Variants in OSBPL10 observed in about 807,000 individuals in gnomAD.
The protein encoded by OSBPL10 is oxysterol binding protein like 10, also known as oxysterol-binding protein-related protein 10.
OSBPL10 carries 49 observed loss-of-function variants against 81.7 expected under a neutral mutation model. That is an observed-to-expected ratio of 0.60 (90% CI 0.48 to 0.76). OSBPL10 has a LOEUF of 0.76. Among genes scored for constraint, OSBPL10 ranks in the 30% least tolerant of loss-of-function variants. The pLI, the probability that OSBPL10 is intolerant of heterozygous loss-of-function variation, is 0.00. For missense variants in OSBPL10, 923 were observed against 987.8 expected (o/e 0.93, Z 0.88); for synonymous variants, 419 against 383.6 (o/e 1.09, Z -1.08).
chr3:31,675,822 T>C (rs1180967340), intron 8 of OSBPL10, among the ~76,000 whole-genome samples: 1 of 151,802 alleles, frequency 6.6e-6, no homozygotes, highest in African/African-American at 2.4e-5. Context: ...GGCGGGCACC[T>C]GTAGTCCCAG....
At chr3:31,997,584 G>A (rs1699102462) in intron 2 of OSBPL10, among the ~76,000 whole-genome samples, 1 of 151,730 alleles carries the variant, frequency 6.6e-6, no homozygotes, top group Non-Finnish European at 1.5e-5. Context: ...AAGAGATAAA[G>A]GAGAGTTAGT....
At chr3:31,894,645 C>T (rs1696001694) in intron 1 of OSBPL10, among the ~76,000 whole-genome samples, 1 of 152,182 alleles carries the variant, frequency 6.6e-6, no homozygotes, top group South Asian at 2.1e-4. Context: ...AGCTATTTTC[C>T]AACATCCTCA....
intron 8 of OSBPL10, among the ~76,000 whole-genome samples, chr3:31,672,379 GGAGGGA>G (rs144503051): frequency 0.051 from 6,032 of 118,580 alleles, 410 homozygotes; most frequent in African/African-American, 0.094. Flanking sequence ...GGGGCAGGAG[GGAGGGA>G]GAGGGAGAGG....
chr3:31,871,520 C>G (rs141200560), intron 3 of OSBPL10, among the ~76,000 whole-genome samples: 13 of 152,346 alleles, frequency 8.5e-5, no homozygotes, highest in Non-Finnish European at 1.9e-4. Flanking sequence ...CAATTCCGGA[C>G]ACACTGTAAC....
chr3:32,015,788 A>T (rs891751281), intron 2 of OSBPL10, among the ~76,000 whole-genome samples: 5 of 152,354 alleles, frequency 3.3e-5, no homozygotes, highest in African/African-American at 1.2e-4. Flanking sequence ...TGGGCGAAGG[A>T]TATGAACAGA....
chr3:31,831,170 G>T (rs1700229907), intron 3 of OSBPL10, among the ~76,000 whole-genome samples: 1 of 152,154 alleles, frequency 6.6e-6, no homozygotes, highest in South Asian at 2.1e-4. Flanking sequence ...ACTTTGGGAG[G>T]CCAAGGCGGG....
intron 4 of OSBPL10, among the ~76,000 whole-genome samples, chr3:31,782,853 C>T (rs567785371): frequency 6.6e-6 from 1 of 151,944 alleles, no homozygotes; most frequent in East Asian, 1.9e-4. Flanking sequence ...CGTCAACTAG[C>T]GTAACCATTA....
intron 4 of OSBPL10, among the ~76,000 whole-genome samples, chr3:31,814,150 G>A (rs191750353): frequency 3.9e-5 from 6 of 152,292 alleles, no homozygotes; most frequent in East Asian, 1.9e-4. Context: ...CAAGACTACC[G>A]CTACTTTCTT....
intron 1 of OSBPL10, among the ~76,000 whole-genome samples, chr3:31,978,377 G>A (rs1421564672): frequency 6.6e-6 from 1 of 152,174 alleles, no homozygotes; most frequent in Non-Finnish European, 1.5e-5. Context: ...AACAGTTCCT[G>A]CCACATAGTA....
chr3:31,821,887 A>G (rs924448187), intron 4 of OSBPL10, among the ~76,000 whole-genome samples: 3 of 152,216 alleles, frequency 2.0e-5, no homozygotes, highest in African/African-American at 7.2e-5. Context: ...TACTGCTTCC[A>G]TAACAAAGGC....
At chr3:31,720,667 G>A (rs1348698143) in intron 6 of OSBPL10, among the ~76,000 whole-genome samples, 2 of 152,060 alleles carry the variant, frequency 1.3e-5, no homozygotes, top group Non-Finnish European at 2.9e-5. Flanking sequence ...GGGAGGCCAA[G>A]GTGGGAGGAC....
At chr3:31,940,416 GTGAC>G (rs1363629857) in intron 1 of OSBPL10, among the ~76,000 whole-genome samples, 1 of 152,186 alleles carries the variant, frequency 6.6e-6, no homozygotes, top group Admixed American at 6.5e-5. Flanking sequence ...GGTGGGGTGG[GTGAC>G]TGACTGGAAA....
At chr3:31,907,429 T>G (rs142682566) in intron 1 of OSBPL10, among the ~76,000 whole-genome samples, 150 of 151,750 alleles carry the variant, frequency 9.9e-4, no homozygotes, top group African/African-American at 3.5e-3. Context: ...CAGTTCAAGA[T>G]CAGCCTGGCC....
At chr3:31,693,262 A>T (rs558796254) in intron 7 of OSBPL10, among the ~76,000 whole-genome samples, 84 of 152,326 alleles carry the variant, frequency 5.5e-4, no homozygotes, top group African/African-American at 2.0e-3. Context: ...CCTTTTACAA[A>T]AAAAAGCTCA....
At chr3:31,707,364 AACTTTCCTGAAAACCTATATGGCAAGG>A (rs1409392721) in intron 6 of OSBPL10, 3 of 152,252 alleles carry the variant, frequency 2.0e-5, no homozygotes, top group African/African-American at 7.2e-5. Context: ...AGTGACCTGC[AACTTTCCTGAAAACCTATATGGCAAGG>A]ACAGACAATA....
intron 4 of OSBPL10, among the ~76,000 whole-genome samples, chr3:31,750,828 C>T (rs1232129510): frequency 6.6e-6 from 1 of 152,046 alleles, no homozygotes; most frequent in Non-Finnish European, 1.5e-5. Flanking sequence ...ACGGTATATA[C>T]TCATTTCTAA....
chr3:32,008,600 G>A (rs1466395275), intron 2 of OSBPL10, among the ~76,000 whole-genome samples: 1 of 151,130 alleles, frequency 6.6e-6, no homozygotes, highest in Non-Finnish European at 1.5e-5. Flanking sequence ...ACCCACAAAA[G>A]CTAGCAGAGA....
intron 1 of OSBPL10, among the ~76,000 whole-genome samples, chr3:32,073,276 T>C (rs1349132071): frequency 6.6e-6 from 1 of 152,148 alleles, no homozygotes; most frequent in Admixed American, 6.5e-5. Context: ...GCTGCTAATC[T>C]TCTCTTGCCT....
At chr3:31,870,137 G>T (rs1701281902) in intron 3 of OSBPL10, among the ~76,000 whole-genome samples, 1 of 152,248 alleles carries the variant, frequency 6.6e-6, no homozygotes, top group East Asian at 1.9e-4. Flanking sequence ...GCGCAAGGGG[G>T]AACCGGGGCT....
Sources: gnomAD v4.1 joint callset for allele counts (sites outside exome capture counted in the v4.1 genomes callset) on GRCh38, gnomAD v4.1.1 for gene constraint, MANE v1.5 for transcripts, NCBI Gene and HGNC (gene_info 2026-07-23, HGNC 2026-07-21) for gene names.